The following CORO2A variants were observed in gnomAD, a reference collection of about 807,000 sequenced individuals.
CORO2A encodes the protein coronin 2A, also known as coronin-2A.
In CORO2A, 47 loss-of-function variants were observed where a neutral mutation model predicts 62.4. The ratio of observed to expected loss-of-function variants is 0.75; its 90% confidence interval spans 0.60 to 0.96. CORO2A has a LOEUF of 0.96. Ranked by LOEUF, CORO2A falls within the 40% of genes least tolerant of loss-of-function variation. The pLI, the probability that CORO2A is intolerant of heterozygous loss-of-function variation, is 0.00. For synonymous variants in CORO2A, 273 were observed against 268.9 expected (o/e 1.02, Z -0.15); for missense variants, 610 against 684.1 (o/e 0.89, Z 1.21).
intron 2 of CORO2A, among the ~76,000 whole-genome samples, chr9:98,156,049 A>ATTT (rs56931336): frequency 0.31 from 36,719 of 118,752 alleles, 5,566 homozygotes; most frequent in Middle Eastern, 0.37. Flanking sequence ...CTTTGTTTGA[A>ATTT]TTTTTTTTTT....
chr9:98,143,801 C>T (rs1827606638), intron 2 of CORO2A, among the ~76,000 whole-genome samples: 1 of 152,204 alleles, frequency 6.6e-6, no homozygotes, highest in South Asian at 2.1e-4. Flanking sequence ...TCCTACATAG[C>T]AGTGGCTCCA....
At chr9:98,165,392 A>C (rs1432777315) in intron 1 of CORO2A, among the ~76,000 whole-genome samples, 3 of 152,258 alleles carry the variant, frequency 2.0e-5, no homozygotes, top group African/African-American at 7.2e-5. Context: ...TCAAAGCAGA[A>C]TAATCCAGGA....
chr9:98,158,171 C>A (rs1293807729), intron 1 of CORO2A, among the ~76,000 whole-genome samples: 3 of 152,170 alleles, frequency 2.0e-5, no homozygotes, highest in Non-Finnish European at 2.9e-5. Context: ...CTCAGCTAGG[C>A]ATGGCAGCTC....
intron 2 of CORO2A, among the ~76,000 whole-genome samples, chr9:98,150,556 T>C (rs1244619851): frequency 6.6e-6 from 1 of 152,114 alleles, no homozygotes; most frequent in Non-Finnish European, 1.5e-5. Context: ...CTAGGTCCCC[T>C]CTCCCAACCC....
Position 98,158,906 on chromosome 9 carries a change from G to A in CORO2A, c.1-1246C>T, listed in dbSNP as rs540872897. On this transcript the variant is annotated intron_variant, in intron 1 of 11. Coordinates refer to ENST00000375077, the MANE Select transcript of CORO2A (RefSeq NM_052820.4). ...AATGAAGAGAATACAAGCCAGAGGG[G>A]CGAGGAGAGCCAGATCACAAGTGGC... Among the ~76,000 whole-genome samples, 28 of 152,122 alleles carry A rather than the reference G, an allele frequency of 1.8e-4. No homozygotes were observed. The South Asian group carries it at 5.2e-3, about 28-fold the overall frequency.
At chr9:98,152,635 CA>C (rs1827740612) in intron 2 of CORO2A, among the ~76,000 whole-genome samples, 1 of 152,122 alleles carries the variant, frequency 6.6e-6, no homozygotes, top group Non-Finnish European at 1.5e-5. Flanking sequence ...CACTATTTAA[CA>C]AATAAGTCAA....
intron 2 of CORO2A, among the ~76,000 whole-genome samples, chr9:98,142,509 C>T (rs1219248265): frequency 6.6e-6 from 1 of 152,224 alleles, no homozygotes; most frequent in African/African-American, 2.4e-5. Context: ...GGCTGTGGGG[C>T]ACTGATTGCT....
At chr9:98,189,298 T>C (rs749334038) in intron 1 of CORO2A, among the ~76,000 whole-genome samples, 1 of 152,194 alleles carries the variant, frequency 6.6e-6, no homozygotes, top group Non-Finnish European at 1.5e-5. Flanking sequence ...GCAAAGCACG[T>C]CCAATCTGTT....
At chr9:98,134,409 T>C (rs935014847) in intron 4 of CORO2A, among the ~76,000 whole-genome samples, 7 of 152,242 alleles carry the variant, frequency 4.6e-5, no homozygotes, top group Non-Finnish European at 8.8e-5. Flanking sequence ...CCAAAACTCA[T>C]GTCCACCTGG....
At chr9:98,176,331 A>G (rs1828108861) in intron 1 of CORO2A, among the ~76,000 whole-genome samples, 1 of 152,224 alleles carries the variant, frequency 6.6e-6, no homozygotes, top group Non-Finnish European at 1.5e-5. Flanking sequence ...ACAATACCCC[A>G]GAATTCTGCC....
At chr9:98,173,887 C>A (rs975629433) in intron 1 of CORO2A, among the ~76,000 whole-genome samples, 2 of 152,148 alleles carry the variant, frequency 1.3e-5, no homozygotes, top group African/African-American at 4.8e-5. Context: ...GAGGCTGAGG[C>A]GGGCAGATCA....
At chr9:98,150,859 T>C in intron 2 of CORO2A, among the ~76,000 whole-genome samples, 1 of 152,108 alleles carries the variant, frequency 6.6e-6, no homozygotes, top group Admixed American at 6.6e-5. Flanking sequence ...TTTGCACTTG[T>C]CCCTCCCTAG....
chr9:98,135,955 A>G (rs1365083443), intron 3 of CORO2A, among the ~76,000 whole-genome samples: 1 of 152,114 alleles, frequency 6.6e-6, no homozygotes. Context: ...CGCAACACTG[A>G]AGCAGAGAAG....
intron 1 of CORO2A, 69 bp from the exon 2 acceptor site, chr9:98,157,729 A>C: frequency 1.3e-5 from 18 of 1,432,124 alleles, no homozygotes; most frequent in African/African-American, 2.8e-5. Context: ...CAGAGCTCTC[A>C]TCTTAAGAGT....
At chr9:98,128,516 G>T in intron 9 of CORO2A, 91 bp downstream of exon 9, 1 of 1,162,908 alleles carries the variant, frequency 8.6e-7, no homozygotes, top group South Asian at 1.2e-5. Context: ...CATGAACGTG[G>T]GCTCCAGGCT....
chr9:98,185,666 G>A (rs1273333682), intron 1 of CORO2A, among the ~76,000 whole-genome samples: 1 of 152,240 alleles, frequency 6.6e-6, no homozygotes, highest in Non-Finnish European at 1.5e-5. Context: ...CCGTGGTGCA[G>A]CCTTAGGAAC....
At chr9:98,188,519 C>T (rs777683103) in intron 1 of CORO2A, among the ~76,000 whole-genome samples, 5 of 152,120 alleles carry the variant, frequency 3.3e-5, no homozygotes, top group Admixed American at 6.5e-5. Flanking sequence ...AATCCCAGCA[C>T]TTTGGGAGGC....
chr9:98,159,617 C>T (rs1006190568), intron 1 of CORO2A, among the ~76,000 whole-genome samples: 3 of 151,638 alleles, frequency 2.0e-5, no homozygotes, highest in Non-Finnish European at 4.4e-5. Flanking sequence ...TCCAAATCCG[C>T]CCCTTCCCTA....
chr9:98,126,776 G>T lies in CORO2A; in HGVS notation c.1219C>A (p.His407Asn), dbSNP rs1169299096. Residue 407 changes from histidine (H) to asparagine (N), a missense_variant, in exon 11 of 12, where the codon CAC becomes AAC. His to Asn is a moderately conservative substitution (Grantham distance 68, BLOSUM62 1). Coordinates refer to ENST00000375077, the MANE Select transcript of CORO2A (RefSeq NM_052820.4). ...LRPGSELLRP[H>N]PLPAERPIFN... Reference sequence around the variant, plus strand: ...ATAGGTCTCTCTGCAGGCAGTGGGTGGGGTCTCAGCAGCTCAGAGCCAGGC... The same window carrying T: ...ATAGGTCTCTCTGCAGGCAGTGGGTTGGGTCTCAGCAGCTCAGAGCCAGGC... The T allele has an allele frequency of 6.2e-7, 1 of 1,614,192 alleles. No individual in the cohort carries two copies. Among genetic ancestry groups the T allele is most frequent in the Non-Finnish European group, 8.5e-7 (1 of 1,180,030 alleles).
Sources: allele counts gnomAD v4.1 joint callset (sites outside exome capture counted in the v4.1 genomes callset), GRCh38; gene constraint gnomAD v4.1.1; transcripts MANE v1.5; gene names NCBI Gene and HGNC (gene_info 2026-07-23, HGNC 2026-07-21).